Variants in EPC2 observed in about 807,000 individuals in gnomAD.
EPC2 encodes the protein enhancer of polycomb 2, also known as enhancer of polycomb homolog 2.
EPC2 carries 14 observed loss-of-function variants against 92.1 expected under a neutral mutation model. The ratio of observed to expected loss-of-function variants is 0.15; its 90% CI spans 0.10 to 0.24. The LOEUF (loss-of-function observed/expected upper bound fraction) is 0.24, where lower values mean the gene tolerates loss of function less well. EPC2 is among the 10% of genes least tolerant of loss of function. EPC2 has a pLI of 1.00. For synonymous variants in EPC2, 340 were observed against 334.7 expected, an observed-to-expected ratio of 1.02 and a Z score of -0.17; for missense variants, 755 against 971.5, an observed-to-expected ratio of 0.78 and a Z score of 2.96.
chr2:148,721,886 A>ATTTTTTTTT (rs1302062474), intron 2 of EPC2, among the ~76,000 whole-genome samples: 3 of 11,138 alleles, frequency 2.7e-4, no homozygotes, highest in African/African-American at 6.8e-4. Flanking sequence ...TTCTGTTTTG[A>ATTTTTTTTT]TTTCTTTTTT....
At chr2:148,674,683 T>C (rs1681229532) in intron 1 of EPC2, among the ~76,000 whole-genome samples, 1 of 152,192 alleles carries the variant, frequency 6.6e-6, no homozygotes. Context: ...AAGCCATAAG[T>C]TGTGCTTTTT....
chr2:148,660,984 A>G (rs1680921077), intron 1 of EPC2, among the ~76,000 whole-genome samples: 1 of 151,910 alleles, frequency 6.6e-6, no homozygotes, highest in Non-Finnish European at 1.5e-5. Flanking sequence ...ATTTATTTTT[A>G]TATCTGGTAG....
rs1001829985 is a variant in EPC2, at chr2:148,755,258, C to T, written c.666+1125C>T. Among the ~76,000 whole-genome samples the T allele has an allele frequency of 1.5e-4, 23 of 151,994 alleles. 1 individual carries two copies. Among genetic ancestry groups the T allele is most frequent in the African/African-American group, 4.6e-4 (19 of 41,362 alleles). ...TCTGGTTCTTAGCTAAGGGAATCTA[C>T]AATATTTTATGAAGATTTGGCACTT... is the stretch of plus-strand genomic sequence containing the variant. On this transcript the variant is annotated intron_variant, in intron 4 of 13. Coordinates refer to ENST00000258484, the MANE Select transcript of EPC2 (RefSeq NM_015630.4).
chr2:148,768,236 G>A (rs960078364), intron 7 of EPC2, among the ~76,000 whole-genome samples: 7 of 152,144 alleles, frequency 4.6e-5, no homozygotes, highest in East Asian at 1.9e-4. Context: ...GTGAGAGTGC[G>A]AGACAACTGA....
chr2:148,723,438 A>G (rs942371909), intron 2 of EPC2, among the ~76,000 whole-genome samples: 1 of 152,098 alleles, frequency 6.6e-6, no homozygotes, highest in African/African-American at 2.4e-5. Flanking sequence ...ATTACAGTTT[A>G]GGTTTTCCAG....
At chr2:148,650,911 G>A (rs1198321380) in intron 1 of EPC2, among the ~76,000 whole-genome samples, 2 of 152,144 alleles carry the variant, frequency 1.3e-5, no homozygotes, top group South Asian at 2.1e-4. Context: ...GTGTAAGGCC[G>A]TGTACTGAAA....
At chr2:148,729,281 C>G (rs950980172) in intron 2 of EPC2, among the ~76,000 whole-genome samples, 18 of 152,040 alleles carry the variant, frequency 1.2e-4, no homozygotes, top group Non-Finnish European at 2.5e-4. Flanking sequence ...TTTTGCTAAT[C>G]TGACAGGTGA....
intron 4 of EPC2, among the ~76,000 whole-genome samples, chr2:148,755,167 T>G (rs1397341761): frequency 6.6e-6 from 1 of 152,128 alleles, no homozygotes; most frequent in Non-Finnish European, 1.5e-5. Flanking sequence ...TTTTAAACAT[T>G]AGAGGATGGA....
intron 10 of EPC2, among the ~76,000 whole-genome samples, chr2:148,776,544 A>T (rs1410284138): frequency 1.3e-5 from 2 of 152,138 alleles, no homozygotes; most frequent in African/African-American, 4.8e-5. Context: ...ACCCTCCTGG[A>T]TATGTTTGTC....
chr2:148,649,509 C>CTGT (rs1206825409), intron 1 of EPC2, among the ~76,000 whole-genome samples: 3 of 152,202 alleles, frequency 2.0e-5, no homozygotes, highest in African/African-American at 7.2e-5. Context: ...TTGTATGAGT[C>CTGT]TGTTCCTTTA....
chr2:148,754,878 A>T (rs988344319), intron 4 of EPC2, among the ~76,000 whole-genome samples: 3 of 152,220 alleles, frequency 2.0e-5, no homozygotes. Context: ...CTGGAGGAGT[A>T]TTCACTGTCT....
At chr2:148,720,083 G>A (rs1397091728) in intron 2 of EPC2, among the ~76,000 whole-genome samples, 2 of 152,048 alleles carry the variant, frequency 1.3e-5, no homozygotes, top group African/African-American at 4.8e-5. Flanking sequence ...CCCCTCTCCT[G>A]GACACTTTGT....
intron 1 of EPC2, among the ~76,000 whole-genome samples, chr2:148,650,133 A>C (rs1230412476): frequency 2.6e-5 from 4 of 152,096 alleles, no homozygotes; most frequent in Admixed American, 2.6e-4. Flanking sequence ...ATCTTTGCTT[A>C]TTTTGCTCAT....
intron 7 of EPC2, 45 bp from the exon 8 acceptor site, chr2:148,769,106 T>G: frequency 3.2e-6 from 4 of 1,242,506 alleles, no homozygotes; most frequent in Non-Finnish European, 3.5e-6. Flanking sequence ...AACATTGATC[T>G]ATTGACTTTT....
At chr2:148,776,833 A>G (rs148813710) in intron 10 of EPC2, among the ~76,000 whole-genome samples, 2,116 of 147,398 alleles carry the variant, frequency 0.014, 50 homozygotes, top group African/African-American at 0.049. Context: ...CCTGGGCAAC[A>G]TAGCAAGACC....
rs140647215 is a variant in EPC2 at position 148,691,077 on chromosome 2, G to A, written c.313+704G>A. Among the ~76,000 whole-genome samples, 783 of 152,286 alleles carry A rather than the reference G, an allele frequency of 5.1e-3. 10 individuals carry two copies. The highest frequency in any genetic ancestry group is 0.018 in the African/African-American group (748 of 41,568). ...TATAGTTTTTATTAAAGAATTCTGT[G>A]TAGTTCTGCCTCCTTAATACTCTTA... On this transcript the variant is annotated intron_variant, in intron 2 of 13. Transcript: ENST00000258484.
chr2:148,784,355 A>G (rs982634296), intron 12 of EPC2, among the ~76,000 whole-genome samples: 1 of 152,202 alleles, frequency 6.6e-6, no homozygotes, highest in Non-Finnish European at 1.5e-5. Flanking sequence ...ATGCATGTGT[A>G]CATACTTAGG....
chr2:148,724,549 T>A (rs983645812), intron 2 of EPC2, among the ~76,000 whole-genome samples: 1 of 152,126 alleles, frequency 6.6e-6, no homozygotes, highest in African/African-American at 2.4e-5. Flanking sequence ...TGTTCTGAAA[T>A]ATAAACAATT....
At chr2:148,689,344 T>A (rs1236265131) in intron 1 of EPC2, among the ~76,000 whole-genome samples, 1 of 151,842 alleles carries the variant, frequency 6.6e-6, no homozygotes, top group East Asian at 1.9e-4. Flanking sequence ...GCCCGGCTAA[T>A]TTTTTTTGTA....
Sources: gnomAD v4.1 joint callset for allele counts (sites outside exome capture counted in the v4.1 genomes callset) on GRCh38, gnomAD v4.1.1 for gene constraint, MANE v1.5 for transcripts, NCBI Gene and HGNC (gene_info 2026-07-23, HGNC 2026-07-21) for gene names.